SERTAD4: variants seen among roughly 807,000 people sequenced by gnomAD.
SERTAD4 encodes the protein SERTA domain-containing protein 4.
A neutral mutation model predicts 32.9 loss-of-function variants in SERTAD4; 18 were observed. The observed-to-expected ratio is 0.55, with a 90% confidence interval of 0.38 to 0.81. SERTAD4 has a LOEUF of 0.81. Ranked by LOEUF, SERTAD4 falls within the 30% of genes least tolerant of loss-of-function variation. SERTAD4 has a pLI of 0.00. For missense variants in SERTAD4, 383 were observed against 426.0 expected (o/e 0.90, Z 0.89); for synonymous variants, 150 against 156.4 (o/e 0.96, Z 0.30).
intron 3 of SERTAD4, among the ~76,000 whole-genome samples, chr1:210,241,169 C>T (rs1267273163): frequency 6.6e-6 from 1 of 152,134 alleles, no homozygotes; most frequent in Non-Finnish European, 1.5e-5. Flanking sequence ...GCCCCGCTCA[C>T]CCCAACTCTG....
chr1:210,244,002 T>C lies in SERTAD4; in HGVS notation c.*1665T>C, dbSNP rs987449369. ...CTTTATTTTCAATATTTGATAAACA[T>C]TTGATGTTCAAAACTTAGCTAATAG... On this transcript the variant is annotated 3_prime_UTR_variant, in exon 4 of 4. Coordinates refer to ENST00000367012, the MANE Select transcript of SERTAD4 (RefSeq NM_019605.5). 1.3e-5 allele frequency: 2 copies of C among 152,192 alleles called. No homozygotes were observed. The highest frequency in any genetic ancestry group is 2.4e-5 in the African/African-American group (1 of 41,462). The allele number at this position is 152,192 out of a possible 1,614,324, so 9.4% of individuals were successfully genotyped here. A position where few individuals can be genotyped will look rare whatever the true frequency, so the allele number is the denominator to read the frequency against.
Position 210,245,677 on chromosome 1 carries a change from C to A in SERTAD4, c.*3340C>A. The A allele has an allele frequency of 8.9e-6, 3 of 338,848 alleles. No individual in the cohort carries two copies. The highest frequency in any genetic ancestry group is 1.3e-5 in the Non-Finnish European group (3 of 238,944). 21.0% of individuals were successfully genotyped at this position (338,848 alleles called of 1,614,324 possible). The stretch of plus-strand genomic sequence containing the variant: ...CATGCTTCTTTGTTAAATGGTGAAG[C>A]AAGGGAATGAAAGTATTTATTTTTA... On this transcript the variant is annotated 3_prime_UTR_variant, in exon 4 of 4. Transcript: ENST00000367012.
In SERTAD4 at chr1:210,241,907, C is replaced by T; in HGVS notation, c.641C>T (p.Ser214Phe). Reference protein sequence around the residue: ...LSVNANVGSASTAASSPSASS... With the variant: ...LSVNANVGSAFTAASSPSASS... ...GTCAATGCTAATGTTGGAAGTGCCTCCACTGCTGCCTCCTCTCCCTCCGCC... is the reference window on the plus strand; with the variant it reads ...GTCAATGCTAATGTTGGAAGTGCCTTCACTGCTGCCTCCTCTCCCTCCGCC... Residue 214 changes from serine (S) to phenylalanine (F), a missense_variant, in exon 4 of 4, where the codon TCC (serine) becomes TTC (phenylalanine). By Grantham distance (155) the Ser-to-Phe change is radical. Around this residue, in one of 3 missense-constraint regions of SERTAD4, gnomAD observed 180 missense variants for 190.6 expected, o/e 0.94. Transcript: ENST00000367012. 3 of 1,614,158 alleles carry T rather than the reference C, an allele frequency of 1.9e-6. No individual in the cohort carries two copies. Among genetic ancestry groups the T allele is most frequent in the Non-Finnish European group, 2.5e-6 (3 of 1,180,012 alleles).
chr1:210,240,460 G>T (rs1036157324), intron 3 of SERTAD4, among the ~76,000 whole-genome samples: 1 of 152,170 alleles, frequency 6.6e-6, no homozygotes, highest in Non-Finnish European at 1.5e-5. Context: ...GAATGCATTG[G>T]TAGGTACTGG....
At position 210,242,218 on chromosome 1, in the gene SERTAD4, T is replaced by A. The variant is rs1333269757; in HGVS notation, c.952T>A (p.Phe318Ile). The change falls in exon 4 of 4, where the codon TTT (phenylalanine) becomes ATT (isoleucine). Residue 318 changes from phenylalanine (F) to isoleucine (I), a missense_variant. By Grantham distance (21) the Phe-to-Ile change is conservative (BLOSUM62 0). Around this residue, in one of 3 missense-constraint regions of SERTAD4, gnomAD observed 180 missense variants for 190.6 expected, o/e 0.94. Transcript: ENST00000367012. The surrounding 1 kb of genome is among the most constrained non-coding windows in gnomAD (Gnocchi z 4.0). The stretch of plus-strand genomic sequence containing the variant: ...GTGCAAAGGCCAATTTTATGATTAT[T>A]TTGAGACCGGATATAATGAAAGAAA... ...FECKGQFYDY[F>I]ETGYNERNNV... 6 of 1,614,154 alleles carry A rather than the reference T, an allele frequency of 3.7e-6. No homozygotes were observed. Among genetic ancestry groups the A allele is most frequent in the Non-Finnish European group, 5.1e-6 (6 of 1,180,026 alleles).
At position 210,240,640 on chromosome 1, in the gene SERTAD4, T is replaced by G. The variant is rs555923647; in HGVS notation, c.292-918T>G. ...TTTCTGTGTTGTGGTTGTAGCAGTT[T>G]CCCAGTTGCTACTGGATTTGCACCA... is the stretch of plus-strand genomic sequence containing the variant. On this transcript the variant is annotated intron_variant, in intron 3 of 3. Coordinates refer to ENST00000367012, the MANE Select transcript of SERTAD4 (RefSeq NM_019605.5). Among the ~76,000 whole-genome samples, 9 of 152,306 alleles carry G rather than the reference T, an allele frequency of 5.9e-5. No homozygotes were observed. In the South Asian group the frequency reaches 1.9e-3, roughly 32 times the overall value.
Position 210,246,060 on chromosome 1 carries a change from A to G in SERTAD4, c.*3723A>G. 2.8e-6 allele frequency: 1 copy of G among 355,006 alleles called. No individual in the cohort carries two copies. Among genetic ancestry groups the G allele is most frequent in the Non-Finnish European group, 3.9e-6 (1 of 253,882 alleles). 22.0% of individuals were successfully genotyped at this position (355,006 alleles called of 1,614,324 possible). ...CCAATTTTACTAGATTTTTTCAGAG[A>G]CAAGCATTCAGCATGGCATTAGTAA... On this transcript the variant is annotated 3_prime_UTR_variant, in exon 4 of 4. Transcript: ENST00000367012.
chr1:210,235,584 T>G (rs775454417), intron 1 of SERTAD4, among the ~76,000 whole-genome samples: 1 of 151,290 alleles, frequency 6.6e-6, no homozygotes, highest in Non-Finnish European at 1.5e-5. Context: ...ATAGCCAAGA[T>G]AAATACTGTT....
Position 210,244,296 on chromosome 1 carries a change from T to C in SERTAD4, c.*1959T>C, listed in dbSNP as rs2084026882. ...CCTAGTTCGTAAGTTTAAGTTTCTA[T>C]TGATTAAGAAGCACAATGTTAATAG... On this transcript the variant is annotated 3_prime_UTR_variant, in exon 4 of 4. Transcript: ENST00000367012. The C allele has an allele frequency of 2.0e-5, 3 of 152,334 alleles. No homozygotes were observed. In the South Asian group the frequency reaches 6.2e-4, roughly 32 times the overall value. The allele number at this position is 152,334 out of a possible 1,614,324, so 9.4% of individuals were successfully genotyped here. A position where few individuals can be genotyped will look rare whatever the true frequency, so the allele number is the denominator to read the frequency against.
chr1:210,242,843 C>T lies in SERTAD4; in HGVS notation c.*506C>T, dbSNP rs2084012375. On this transcript the variant is annotated 3_prime_UTR_variant, in exon 4 of 4. Coordinates refer to ENST00000367012, the MANE Select transcript of SERTAD4 (RefSeq NM_019605.5). This position sits in a 1 kb window ranked among gnomAD's most constrained non-coding sequence, Gnocchi z 4.0. ...TTAATGGTGCTGTTAAGTATTTGTACCTAACAGTCTTGTGTGACAGATGAA... is the reference window on the plus strand; with the variant it reads ...TTAATGGTGCTGTTAAGTATTTGTATCTAACAGTCTTGTGTGACAGATGAA... The T allele has an allele frequency of 2.0e-6, 2 of 986,582 alleles. No homozygotes were observed. The highest frequency in any genetic ancestry group is 2.4e-6 in the Non-Finnish European group (2 of 830,674). The allele number at this position is 986,582 out of a possible 1,614,324, so 61.1% of individuals were successfully genotyped here. A position where few individuals can be genotyped will look rare whatever the true frequency, so the allele number is the denominator to read the frequency against.
At chr1:210,235,557 A>C (rs1272787684) in intron 1 of SERTAD4, among the ~76,000 whole-genome samples, 11 of 152,256 alleles carry the variant, frequency 7.2e-5, no homozygotes, top group Non-Finnish European at 1.2e-4. Context: ...GTAAAATTAG[A>C]TATTGTGAAC....
chr1:210,241,425 C>A, intron 3 of SERTAD4, 133 bp from the exon 4 acceptor site: 1 of 910,810 alleles, frequency 1.1e-6, no homozygotes, highest in Non-Finnish European at 1.6e-6. Flanking sequence ...GGAACAAGAC[C>A]ACAACATGCC....
rs57426441 is a variant in SERTAD4, at chr1:210,243,093, CA to C, written c.*778del. 0.022 allele frequency: 10,934 copies of C among 485,966 alleles called. 5 individuals carry two copies. Among genetic ancestry groups the C allele is most frequent in the South Asian group, 0.037 (356 of 9,516 alleles). 30.1% of individuals were successfully genotyped at this position (485,966 alleles called of 1,614,324 possible). A position where few individuals can be genotyped will look rare whatever the true frequency, so the allele number is the denominator to read the frequency against. On this transcript the variant is annotated 3_prime_UTR_variant, in exon 4 of 4. Coordinates refer to ENST00000367012, the MANE Select transcript of SERTAD4 (RefSeq NM_019605.5). Reference sequence around the variant, plus strand: ...TACAGCAGGGATTTAACAAACAGGACAAAAAAAAAAAAAAAAAAAAAACCAC... The same window carrying C: ...TACAGCAGGGATTTAACAAACAGGACAAAAAAAAAAAAAAAAAAAAACCAC...
Position 210,242,967 on chromosome 1 carries a change from T to C in SERTAD4, c.*630T>C. Reference sequence around the variant, plus strand: ...CTGCAAGTTTCTGGCTTGCCTGTGATGGGTGATGAGGCTTTTAGAGAGGTG... The same window carrying C: ...CTGCAAGTTTCTGGCTTGCCTGTGACGGGTGATGAGGCTTTTAGAGAGGTG... On this transcript the variant is annotated 3_prime_UTR_variant, in exon 4 of 4. Coordinates refer to ENST00000367012, the MANE Select transcript of SERTAD4 (RefSeq NM_019605.5). This position sits in a 1 kb window ranked among gnomAD's most constrained non-coding sequence, Gnocchi z 4.0. 1 of 985,668 alleles carries C rather than the reference T, an allele frequency of 1.0e-6. No homozygotes were observed. Among genetic ancestry groups the C allele is most frequent in the Non-Finnish European group, 1.2e-6 (1 of 829,930 alleles). The allele number at this position is 985,668 out of a possible 1,614,324, so 61.1% of individuals were successfully genotyped here.
intron 1 of SERTAD4, chr1:210,237,221 C>T (rs1035744567): frequency 1.3e-5 from 2 of 152,280 alleles, no homozygotes; most frequent in Non-Finnish European, 2.9e-5. Flanking sequence ...GACTGCAACT[C>T]ACGGCTTGAA....
At position 210,244,956 on chromosome 1, in the gene SERTAD4, A is replaced by C. The variant is rs1302819676; in HGVS notation, c.*2619A>C. On this transcript the variant is annotated 3_prime_UTR_variant, in exon 4 of 4. Transcript: ENST00000367012. ...TTCCTAAACACCCATCCAAACCACAAAAATTCTCTTGTTAGTAGGCGAGAG... is the reference window on the plus strand; with the variant it reads ...TTCCTAAACACCCATCCAAACCACACAAATTCTCTTGTTAGTAGGCGAGAG... 6.6e-6 allele frequency: 1 copy of C among 152,168 alleles called. No individual in the cohort carries two copies. 9.4% of individuals were successfully genotyped at this position (152,168 alleles called of 1,614,324 possible). A position where few individuals can be genotyped will look rare whatever the true frequency, so the allele number is the denominator to read the frequency against.
intron 1 of SERTAD4, chr1:210,234,137 G>A: frequency 4.0e-6 from 1 of 248,574 alleles, no homozygotes; most frequent in Non-Finnish European, 7.8e-6. Context: ...GCGGCCAGCG[G>A]CCGACCGGGC....
chr1:210,241,547 T>TGTTTG lies in SERTAD4; in HGVS notation c.292-11_292-10insGTTTG. 2.7e-6 allele frequency: 4 copies of TGTTTG among 1,485,098 alleles called. No individual in the cohort carries two copies. In the South Asian group the frequency reaches 4.6e-5, roughly 17 times the overall value. 92.0% of individuals were successfully genotyped at this position (1,485,098 alleles called of 1,614,324 possible). On this transcript the variant is annotated splice_polypyrimidine_tract_variant and intron_variant, in intron 3 of 3. Coordinates refer to ENST00000367012, the MANE Select transcript of SERTAD4 (RefSeq NM_019605.5). ...GTTTGTTTTTTTCTTTTTTTTTTTT[T>TGTTTG]TGGTTTGTAGACCATCTCAATTTTT...
chr1:210,235,151 T>C (rs1428085106), intron 1 of SERTAD4, among the ~76,000 whole-genome samples: 1 of 152,222 alleles, frequency 6.6e-6, no homozygotes, highest in Non-Finnish European at 1.5e-5. Context: ...TTTGCCATAA[T>C]GTATATCCTT....
Sources: allele counts gnomAD v4.1 joint callset (sites outside exome capture counted in the v4.1 genomes callset), GRCh38; gene constraint gnomAD v4.1.1; regional missense constraint gnomAD v4.1.1; non-coding constraint Gnocchi (gnomAD v3.1); transcripts MANE v1.5; gene names NCBI Gene and HGNC (gene_info 2026-07-23, HGNC 2026-07-21).